The following INPP4B variants were observed in gnomAD, a reference collection of about 807,000 sequenced individuals.
INPP4B encodes the protein inositol polyphosphate-4-phosphatase type II B, also known as inositol polyphosphate 4-phosphatase type II.
In INPP4B, 55 loss-of-function variants were observed where a neutral mutation model predicts 122.5. The observed-to-expected ratio is 0.45, with a 90% CI of 0.36 to 0.56. INPP4B has a LOEUF of 0.56. INPP4B is among the 20% of genes least tolerant of loss of function. INPP4B has a pLI of 0.00. For missense variants in INPP4B, 1,000 were observed against 1,097.7 expected (o/e 0.91, Z 1.26); for synonymous variants, 403 against 388.7 (o/e 1.04, Z -0.43).
At chr4:142,795,940 C>T (rs1412517081) in intron 1 of INPP4B, among the ~76,000 whole-genome samples, 1 of 151,952 alleles carries the variant, frequency 6.6e-6, no homozygotes, top group African/African-American at 2.4e-5. Flanking sequence ...CCTATATTTT[C>T]TCGCCTAATT....
intron 9 of INPP4B, among the ~76,000 whole-genome samples, chr4:142,291,747 G>A (rs2150979811): frequency 6.6e-6 from 1 of 152,058 alleles, no homozygotes; most frequent in Non-Finnish European, 1.5e-5. Context: ...CTCTAATTGA[G>A]GAATGGACCT....
intron 23 of INPP4B, among the ~76,000 whole-genome samples, chr4:142,106,777 TG>T (rs1787349928): frequency 6.6e-6 from 1 of 152,160 alleles, no homozygotes; most frequent in African/African-American, 2.4e-5. Flanking sequence ...CAGTGTGGCC[TG>T]CGAATTTGCA....
chr4:142,662,767 T>C (rs1191982285), intron 2 of INPP4B, among the ~76,000 whole-genome samples: 1 of 152,136 alleles, frequency 6.6e-6, no homozygotes. Flanking sequence ...AAATTAAAAA[T>C]TTGGTGTTTA....
chr4:142,124,511 G>T (rs1797881632), intron 19 of INPP4B, 77 bp downstream of exon 19: 3 of 1,312,188 alleles, frequency 2.3e-6, no homozygotes, highest in Middle Eastern at 1.9e-4. Context: ...GTCCCAATAA[G>T]AATTCTATTC....
At chr4:142,276,860 T>C (rs1431035302) in intron 9 of INPP4B, among the ~76,000 whole-genome samples, 4 of 151,926 alleles carry the variant, frequency 2.6e-5, no homozygotes, top group African/African-American at 9.7e-5. Context: ...ATGACACTAT[T>C]AAAAATATAT....
At chr4:142,577,911 G>C (rs1178554667) in intron 2 of INPP4B, among the ~76,000 whole-genome samples, 2 of 151,914 alleles carry the variant, frequency 1.3e-5, no homozygotes, top group African/African-American at 4.8e-5. Flanking sequence ...AGAGATGCCA[G>C]CAAGATGGAT....
intron 14 of INPP4B, among the ~76,000 whole-genome samples, chr4:142,193,612 A>C (rs931340103): frequency 9.9e-5 from 15 of 152,158 alleles, no homozygotes; most frequent in South Asian, 2.1e-4. Flanking sequence ...TAGAAAAAAA[A>C]CCCAAAATAT....
chr4:142,259,997 GT>G (rs1738976706), intron 11 of INPP4B, among the ~76,000 whole-genome samples: 1 of 152,070 alleles, frequency 6.6e-6, no homozygotes, highest in African/African-American at 2.4e-5. Context: ...TTGTTCATTT[GT>G]TTTTTGAGAT....
chr4:142,252,387 G>A (rs2636659), intron 11 of INPP4B, among the ~76,000 whole-genome samples: 119,727 of 149,762 alleles, frequency 0.8, 48,256 homozygotes, highest in East Asian at 0.93. Flanking sequence ...ACGGGGTTTC[G>A]CCGTGTTAGC....
intron 2 of INPP4B, among the ~76,000 whole-genome samples, chr4:142,550,101 G>T (rs1202134188): frequency 2.0e-5 from 3 of 152,080 alleles, no homozygotes; most frequent in Admixed American, 2.0e-4. Context: ...CCTGTCTAGG[G>T]TGCCACAACA....
chr4:142,732,597 T>C (rs182123252), intron 1 of INPP4B, among the ~76,000 whole-genome samples: 5 of 152,096 alleles, frequency 3.3e-5, no homozygotes, highest in African/African-American at 7.2e-5. Flanking sequence ...GAATTAAATA[T>C]CTCAAATACT....
At chr4:142,577,149 A>G (rs1157802847) in intron 2 of INPP4B, among the ~76,000 whole-genome samples, 5 of 151,936 alleles carry the variant, frequency 3.3e-5, no homozygotes, top group African/African-American at 1.2e-4. Flanking sequence ...CTATATGTAC[A>G]TTTTTTGTGT....
At chr4:142,573,962 T>TTA (rs921085394) in intron 2 of INPP4B, among the ~76,000 whole-genome samples, 3 of 152,124 alleles carry the variant, frequency 2.0e-5, no homozygotes, top group Admixed American at 1.3e-4. Context: ...AATTACTTTA[T>TTA]TATATATATT....
At position 142,128,252 on chromosome 4, in the gene INPP4B, GCA is replaced by G. The variant is rs556022402; in HGVS notation, c.1721-3494_1721-3493del. ...TATATACACATATATATACGTGTGT[GCA>G]CACACACATACACACAATCTTAGTT... On this transcript the variant is annotated intron_variant, in intron 18 of 25. Coordinates refer to ENST00000262992, the MANE Select transcript of INPP4B (RefSeq NM_001101669.3). Among the ~76,000 whole-genome samples, 153 of 151,456 alleles carry G rather than the reference GCA, an allele frequency of 1.0e-3. 3 individuals carry two copies. The South Asian group carries it at 0.012, about 12-fold the overall frequency.
intron 1 of INPP4B, among the ~76,000 whole-genome samples, chr4:142,770,118 A>G (rs1252671634): frequency 6.6e-6 from 1 of 152,130 alleles, no homozygotes; most frequent in Non-Finnish European, 1.5e-5. Flanking sequence ...AAAAAATTAC[A>G]TTACAAACTG....
chr4:142,594,770 A>G (rs1271791738), intron 2 of INPP4B, among the ~76,000 whole-genome samples: 2 of 152,034 alleles, frequency 1.3e-5, no homozygotes, highest in African/African-American at 4.8e-5. Context: ...CCTGGCTAAC[A>G]TGGTGAAACC....
chr4:142,385,060 G>T (rs142156121), intron 7 of INPP4B, among the ~76,000 whole-genome samples: 126 of 152,242 alleles, frequency 8.3e-4, no homozygotes, highest in Admixed American at 1.8e-3. Flanking sequence ...GAATAGTGCT[G>T]CAATGAACAC....
chr4:142,825,283 G>A (rs1342607398), intron 1 of INPP4B, among the ~76,000 whole-genome samples: 1 of 152,100 alleles, frequency 6.6e-6, no homozygotes, highest in East Asian at 1.9e-4. Flanking sequence ...TGGAAATACA[G>A]ATGTCCAGAA....
At chr4:142,597,695 T>G (rs1739015938) in intron 2 of INPP4B, among the ~76,000 whole-genome samples, 1 of 152,184 alleles carries the variant, frequency 6.6e-6, no homozygotes, top group Non-Finnish European at 1.5e-5. Flanking sequence ...GAATCTGTGG[T>G]AACTCATTAA....
Sources: allele counts gnomAD v4.1 joint callset (sites outside exome capture counted in the v4.1 genomes callset), GRCh38; gene constraint gnomAD v4.1.1; transcripts MANE v1.5; gene names NCBI Gene and HGNC (gene_info 2026-07-23, HGNC 2026-07-21).